DYM: variants seen among roughly 807,000 people sequenced by gnomAD.
The protein encoded by DYM is dymeclin.
A neutral mutation model predicts 93.1 loss-of-function variants in DYM; 78 were observed. That is an observed-to-expected ratio of 0.84 (90% CI 0.70 to 1.01). The LOEUF (loss-of-function observed/expected upper bound fraction) is 1.01, where lower values mean the gene tolerates loss of function less well. DYM is among the 50% of genes least tolerant of loss of function. The pLI is 0.00. For synonymous variants in DYM, 321 were observed against 319.7 expected, an observed-to-expected ratio of 1.00 and a Z score of -0.04; for missense variants, 789 against 845.0, an observed-to-expected ratio of 0.93 and a Z score of 0.82.
chr18:49,238,945 A>G (rs2093952573), intron 13 of DYM, among the ~76,000 whole-genome samples: 1 of 152,166 alleles, frequency 6.6e-6, no homozygotes, highest in African/African-American at 2.4e-5. Flanking sequence ...CCTCTCTTGT[A>G]TAGAACTTGA....
At chr18:49,248,007 A>C (rs1156513245) in intron 13 of DYM, among the ~76,000 whole-genome samples, 1 of 152,240 alleles carries the variant, frequency 6.6e-6, no homozygotes, top group Non-Finnish European at 1.5e-5. Flanking sequence ...CTGCTATGCC[A>C]AGATCAAACA....
intron 5 of DYM, among the ~76,000 whole-genome samples, chr18:49,375,429 T>C (rs1273472313): frequency 1.3e-5 from 2 of 152,036 alleles, no homozygotes; most frequent in South Asian, 2.1e-4. Flanking sequence ...AGAATTTCAG[T>C]ACCTATCCCC....
intron 10 of DYM, 127 bp from the exon 11 acceptor site, chr18:49,272,430 C>T: frequency 2.9e-6 from 2 of 680,034 alleles, no homozygotes; most frequent in African/African-American, 1.8e-5. Flanking sequence ...AGAGAAAAAA[C>T]CATATAAACC....
At chr18:49,217,463 A>G (rs1397929111) in intron 13 of DYM, among the ~76,000 whole-genome samples, 4 of 152,112 alleles carry the variant, frequency 2.6e-5, no homozygotes, top group Non-Finnish European at 5.9e-5. Flanking sequence ...CAGATTCACC[A>G]AAGTTGAAAT....
chr18:49,258,081 C>T (rs1249865199), intron 12 of DYM, among the ~76,000 whole-genome samples: 1 of 152,018 alleles, frequency 6.6e-6, no homozygotes, highest in Non-Finnish European at 1.5e-5. Flanking sequence ...TTGTTATTTG[C>T]TGCTATTAAA....
rs537349287 is a variant in DYM at position 49,282,898 on chromosome 18, A to G, written c.947-723T>C. Among the ~76,000 whole-genome samples the G allele has an allele frequency of 3.0e-3, 460 of 152,338 alleles. 1 individual carries two copies. Among genetic ancestry groups the G allele is most frequent in the Non-Finnish European group, 4.3e-3 (293 of 68,032 alleles). On this transcript the variant is annotated intron_variant, in intron 9 of 17. Coordinates refer to ENST00000675505, the MANE Select transcript of DYM (RefSeq NM_001353214.3). ...ACACAAAATAGAAAATTCTCTTTTA[A>G]GATAGAATTAAAAAGAAAAAAACTG...
intron 4 of DYM, among the ~76,000 whole-genome samples, chr18:49,379,419 T>G (rs1158467493): frequency 6.6e-6 from 1 of 152,144 alleles, no homozygotes; most frequent in Non-Finnish European, 1.5e-5. Context: ...ATTACATCAT[T>G]ATTCACCTTC....
intron 8 of DYM, among the ~76,000 whole-genome samples, chr18:49,318,625 CAAA>C (rs1024486737): frequency 2.0e-5 from 3 of 148,830 alleles, no homozygotes; most frequent in Non-Finnish European, 4.5e-5. Flanking sequence ...TGTCCCCCCA[CAAA>C]AAAGAGAGAG....
chr18:49,459,080 CAT>C (rs2083255444), intron 1 of DYM, among the ~76,000 whole-genome samples: 1 of 152,128 alleles, frequency 6.6e-6, no homozygotes, highest in South Asian at 2.1e-4. Context: ...GGTGCAAAAA[CAT>C]AAAAACTCCT....
chr18:49,256,083 CAAAAAAAAA>C (rs11337971), intron 13 of DYM, among the ~76,000 whole-genome samples: 1 of 85,926 alleles, frequency 1.2e-5, no homozygotes. Context: ...GACTCCATCT[CAAAAAAAAA>C]AAAAAAAAAA....
intron 10 of DYM, among the ~76,000 whole-genome samples, chr18:49,274,781 T>A (rs946952486): frequency 1.3e-5 from 2 of 152,190 alleles, no homozygotes; most frequent in African/African-American, 4.8e-5. Context: ...TTTGTATATC[T>A]TCCTTGCAGA....
rs2063478307 is a variant in DYM at position 49,333,759 on chromosome 18, T to G, written c.589A>C (p.Ile197Leu). The change falls in exon 7 of 18, where the codon ATC (isoleucine) becomes CTC (leucine). Residue 197 changes from isoleucine (I) to leucine (L), a missense_variant. Physicochemically the swap from Ile to Leu is conservative, Grantham distance 5. This residue lies in a region of DYM where 450 missense variants were observed against 436.2 expected (regional missense o/e 1.03). Transcript: ENST00000675505. ...CCTCGCATCAAATACTTGTGGCTGATGCTCTGTCGCAAAACTTCTTTGTGG... is the reference window on the plus strand; with the variant it reads ...CCTCGCATCAAATACTTGTGGCTGAGGCTCTGTCGCAAAACTTCTTTGTGG... ...LFHKEVLRQS[I>L]SHKYLMRGPC... 1 of 1,614,066 alleles carries G rather than the reference T, an allele frequency of 6.2e-7. No homozygotes were observed. The highest frequency in any genetic ancestry group is 8.5e-7 in the Non-Finnish European group (1 of 1,179,942).
chr18:49,319,877 G>A (rs1479855230), intron 8 of DYM, among the ~76,000 whole-genome samples: 1 of 152,144 alleles, frequency 6.6e-6, no homozygotes, highest in Admixed American at 6.5e-5. Flanking sequence ...GTGAGATGAA[G>A]GCTGCTAAGC....
chr18:49,438,302 G>C (rs1489415727), intron 1 of DYM, among the ~76,000 whole-genome samples: 1 of 152,092 alleles, frequency 6.6e-6, no homozygotes, highest in East Asian at 1.9e-4. Context: ...AATCGAGACA[G>C]CCAATTGAGT....
intron 15 of DYM, among the ~76,000 whole-genome samples, chr18:49,143,024 C>A (rs1360178532): frequency 1.3e-5 from 2 of 152,174 alleles, no homozygotes; most frequent in African/African-American, 4.8e-5. Flanking sequence ...ACTTTCCATT[C>A]CTGAACAATG....
At chr18:49,195,370 A>T (rs1383315701) in intron 14 of DYM, among the ~76,000 whole-genome samples, 1 of 152,216 alleles carries the variant, frequency 6.6e-6, no homozygotes, top group Non-Finnish European at 1.5e-5. Context: ...GATAGCCATC[A>T]CCTCAAATAT....
chr18:49,219,750 C>T (rs930327849), intron 13 of DYM, among the ~76,000 whole-genome samples: 9 of 151,998 alleles, frequency 5.9e-5, no homozygotes, highest in South Asian at 2.1e-4. Context: ...ATTGATGGGA[C>T]GTATCTCAAA....
At chr18:49,134,146 G>A (rs773685573) in intron 15 of DYM, among the ~76,000 whole-genome samples, 1 of 152,030 alleles carries the variant, frequency 6.6e-6, no homozygotes, top group Non-Finnish European at 1.5e-5. Context: ...TGGGTGGTAG[G>A]TATATGGGCA....
At chr18:49,080,632 C>T (rs1259727316) in intron 17 of DYM, among the ~76,000 whole-genome samples, 10 of 140,738 alleles carry the variant, frequency 7.1e-5, no homozygotes, top group African/African-American at 1.6e-4. Context: ...GCTGGCCGGG[C>T]GGGGGGCTGA....
Sources: gnomAD v4.1 joint callset for allele counts (sites outside exome capture counted in the v4.1 genomes callset) on GRCh38, gnomAD v4.1.1 for gene constraint, gnomAD v4.1.1 regional missense constraint, MANE v1.5 for transcripts, NCBI Gene and HGNC (gene_info 2026-07-23, HGNC 2026-07-21) for gene names.